Variants in POC1B observed in about 807,000 individuals in gnomAD.
POC1B encodes the protein POC1 centriolar protein homolog B.
In POC1B, 44 loss-of-function variants were observed where a neutral mutation model predicts 60.6. That is an observed-to-expected ratio of 0.73 (90% CI 0.57 to 0.93). The LOEUF is 0.93. Among genes scored for constraint, POC1B ranks in the 40% least tolerant of loss-of-function variants. The probability of loss-of-function intolerance (pLI) is 0.00; values close to 1 mark genes in which losing one functional copy is unlikely to be tolerated. For missense variants in POC1B, 555 were observed against 572.3 expected (o/e 0.97, Z 0.31); for synonymous variants, 180 against 198.9 (o/e 0.90, Z 0.80).
chr12:89,480,141 C>CA (rs1461572989), intron 4 of POC1B, among the ~76,000 whole-genome samples: 4 of 141,066 alleles, frequency 2.8e-5, no homozygotes, highest in Non-Finnish European at 6.3e-5. Context: ...TTTCTTCTTT[C>CA]GTTTTTTTTT....
intron 9 of POC1B, among the ~76,000 whole-genome samples, chr12:89,465,742 G>T (rs1882659412): frequency 6.6e-6 from 1 of 152,110 alleles, no homozygotes; most frequent in Non-Finnish European, 1.5e-5. Context: ...AGTTGGAAAA[G>T]ACAAAGATTA....
At chr12:89,468,427 A>G (rs1389440210) in intron 7 of POC1B, among the ~76,000 whole-genome samples, 1 of 152,218 alleles carries the variant, frequency 6.6e-6, no homozygotes, top group Non-Finnish European at 1.5e-5. Context: ...ATTAATATAT[A>G]CCATATGTTT....
At chr12:89,525,668 G>C in intron 1 of POC1B, 2 of 1,259,330 alleles carry the variant, frequency 1.6e-6, no homozygotes, top group Non-Finnish European at 2.0e-6. Context: ...GGAACTCGGG[G>C]AAGAGCGTCC....
intron 9 of POC1B, chr12:89,466,543 T>TCA: frequency 2.7e-6 from 1 of 364,398 alleles, no homozygotes; most frequent in Non-Finnish European, 4.9e-6. Context: ...ATTTAATTTC[T>TCA]CATTTCCTAT....
intron 2 of POC1B, among the ~76,000 whole-genome samples, chr12:89,514,606 C>T (rs1022648991): frequency 2.0e-5 from 3 of 151,774 alleles, no homozygotes; most frequent in African/African-American, 7.3e-5. Context: ...CGGGGTTTCA[C>T]CATGTTGGCC....
chr12:89,506,000 T>C (rs1435982666), intron 2 of POC1B, among the ~76,000 whole-genome samples: 2 of 152,130 alleles, frequency 1.3e-5, no homozygotes, highest in African/African-American at 4.8e-5. Context: ...GAAGTGAGTT[T>C]TAGTGCCATT....
In POC1B at chr12:89,470,477, T is replaced by G; in HGVS notation, c.694A>C (p.Asn232His). ...QHYQVHSGGV[N>H]CISFHPSGNY... is the part of the protein sequence containing the mutation. ...CCCGAAGGATGGAATGATATGCAAT[T>G]AACTCCACCGCTGTGAACTGATTTG... Residue 232 changes from asparagine to histidine, a missense_variant, in exon 7 of 12, where the codon AAT becomes CAT. Asn to His is a moderately conservative substitution (Grantham distance 68, BLOSUM62 1). Transcript: ENST00000313546. The G allele has an allele frequency of 6.2e-7, 1 of 1,606,824 alleles. No homozygotes were observed. Among genetic ancestry groups the G allele is most frequent in the African/African-American group, 1.3e-5 (1 of 74,904 alleles).
intron 10 of POC1B, among the ~76,000 whole-genome samples, chr12:89,442,440 G>C (rs1419915942): frequency 1.3e-5 from 2 of 152,152 alleles, no homozygotes; most frequent in African/African-American, 4.8e-5. Flanking sequence ...AAGGGAGTGG[G>C]GGCCAATATT....
chr12:89,412,934 G>T, the POC1B span, among the ~76,000 whole-genome samples: 2 of 141,544 alleles, frequency 1.4e-5, no homozygotes, highest in African/African-American at 2.6e-5. Flanking sequence ...ACTCACTCTC[G>T]TCACCCAGGC....
At chr12:89,403,157 G>A in the POC1B span, among the ~76,000 whole-genome samples, 3 of 151,586 alleles carry the variant, frequency 2.0e-5, no homozygotes, top group South Asian at 2.1e-4. Flanking sequence ...ACAGACGCCC[G>A]CCACCACACC....
intron 10 of POC1B, among the ~76,000 whole-genome samples, chr12:89,430,701 T>A (rs187492479): frequency 2.5e-4 from 38 of 152,214 alleles, no homozygotes; most frequent in Admixed American, 9.8e-4. Flanking sequence ...TCTCACTCCT[T>A]ATTATATTTG....
rs777441900 is a variant in POC1B, at chr12:89,524,152, G to A, written c.100+968C>T. 5 of 1,614,034 alleles carry A rather than the reference G, an allele frequency of 3.1e-6. No homozygotes were observed. The South Asian group carries it at 3.3e-5, about 11-fold the overall frequency. On this transcript the variant is annotated intron_variant, in intron 2 of 11. Transcript: ENST00000313546. ...AATGATAACAGAGGTGGTAGGAAGT[G>A]TCCTATAGTTGAACTTCTGGGACTT...
intron 2 of POC1B, chr12:89,524,587 A>C (rs752311603): frequency 1.2e-6 from 2 of 1,606,682 alleles, no homozygotes; most frequent in South Asian, 2.2e-5. Context: ...GCGGCCACCA[A>C]GCCACCACGC....
rs182367202 is a variant in POC1B at position 89,424,715 on chromosome 12, C to T, written c.1332+446G>A. ...ATTTTTCTTTGCAAAGGTAAACTGG[C>T]CTCAAAAAAGTGGATAATATTCTAA... On this transcript the variant is annotated intron_variant, in intron 11 of 11. Transcript: ENST00000313546. 9.4e-4 allele frequency among the ~76,000 whole-genome samples: 143 copies of T among 152,114 alleles called. 1 individual carries two copies. The highest frequency in any genetic ancestry group is 3.1e-3 in the African/African-American group (128 of 41,464).
chr12:89,502,630 T>C, intron 2 of POC1B: 2 of 1,329,844 alleles, frequency 1.5e-6, no homozygotes, highest in Non-Finnish European at 2.1e-6. Flanking sequence ...TCATGGATCT[T>C]GTAAGGCCAC....
chr12:89,507,179 G>A (rs2135754439), intron 2 of POC1B, among the ~76,000 whole-genome samples: 1 of 148,756 alleles, frequency 6.7e-6, no homozygotes, highest in South Asian at 2.1e-4. Flanking sequence ...GGGGGTGGGG[G>A]AGGCTGAGGT....
chr12:89,430,242 G>A (rs1048971231), intron 10 of POC1B, among the ~76,000 whole-genome samples: 3 of 152,138 alleles, frequency 2.0e-5, no homozygotes, highest in East Asian at 1.9e-4. Flanking sequence ...AAAGAACTAC[G>A]AAAGTCCTGA....
Position 89,430,241 on chromosome 12 carries a change from C to T in POC1B, c.1114-4862G>A, listed in dbSNP as rs368417829. On this transcript the variant is annotated intron_variant, in intron 10 of 11. Coordinates refer to ENST00000313546, the MANE Select transcript of POC1B (RefSeq NM_172240.3). ...CAGATCTGACTGATGCAAAGAACTA[C>T]GAAAGTCCTGAGAACTGAATACAAA... is the stretch of plus-strand genomic sequence containing the variant. Among the ~76,000 whole-genome samples, 7 of 152,140 alleles carry T rather than the reference C, an allele frequency of 4.6e-5. No individual in the cohort carries two copies. In the East Asian group the frequency reaches 5.8e-4, roughly 13 times the overall value.
chr12:89,507,907 G>A (rs961086106), intron 2 of POC1B, among the ~76,000 whole-genome samples: 1 of 152,198 alleles, frequency 6.6e-6, no homozygotes, highest in Non-Finnish European at 1.5e-5. Context: ...GAAAAGAAAT[G>A]TTACCGTCTC....
Sources: gnomAD v4.1 joint callset for allele counts (sites outside exome capture counted in the v4.1 genomes callset) on GRCh38, gnomAD v4.1.1 for gene constraint, MANE v1.5 for transcripts, NCBI Gene and HGNC (gene_info 2026-07-23, HGNC 2026-07-21) for gene names.